RFTN2: variants seen among roughly 807,000 people sequenced by gnomAD.
RFTN2 encodes raftlin family member 2, also known as raftlin-2.
RFTN2 carries 34 observed loss-of-function variants against 52.7 expected under a neutral mutation model. The observed-to-expected ratio is 0.64, with a 90% confidence interval of 0.49 to 0.86. The LOEUF is 0.86. RFTN2 is among the 40% of genes least tolerant of loss of function. The probability of loss-of-function intolerance (pLI) is 0.00; values close to 1 mark genes in which losing one functional copy is unlikely to be tolerated. For synonymous variants in RFTN2, 203 were observed against 217.7 expected (o/e 0.93, Z 0.59); for missense variants, 536 against 600.1 (o/e 0.89, Z 1.12).
At chr2:197,585,041 G>A (rs779063141) in intron 8 of RFTN2, among the ~76,000 whole-genome samples, 3 of 152,130 alleles carry the variant, frequency 2.0e-5, no homozygotes, top group Non-Finnish European at 2.9e-5. Flanking sequence ...TCCCTACTGG[G>A]TTCACCATTC....
intron 8 of RFTN2, among the ~76,000 whole-genome samples, chr2:197,594,465 C>A (rs1247244079): frequency 1.3e-5 from 2 of 152,050 alleles, no homozygotes; most frequent in Non-Finnish European, 2.9e-5. Context: ...GTAGCTGGGA[C>A]TACAGGCATG....
At chr2:197,661,448 A>G (rs1163031740) in intron 1 of RFTN2, among the ~76,000 whole-genome samples, 1 of 151,818 alleles carries the variant, frequency 6.6e-6, no homozygotes, top group East Asian at 1.9e-4. Context: ...AGGTCTCACA[A>G]TGGTGCCCAG....
chr2:197,588,221 T>G (rs189340875), intron 8 of RFTN2, among the ~76,000 whole-genome samples: 2 of 152,362 alleles, frequency 1.3e-5, no homozygotes, highest in East Asian at 3.9e-4. Context: ...TTTCTCTCTC[T>G]ACATATATAT....
chr2:197,578,438 G>A (rs1053199237), intron 8 of RFTN2, among the ~76,000 whole-genome samples: 1 of 152,100 alleles, frequency 6.6e-6, no homozygotes, highest in African/African-American at 2.4e-5. Flanking sequence ...AAGCCTGCAT[G>A]TATACATCCA....
At chr2:197,607,115 T>A (rs2087974339) in intron 7 of RFTN2, among the ~76,000 whole-genome samples, 1 of 152,018 alleles carries the variant, frequency 6.6e-6, no homozygotes, top group South Asian at 2.1e-4. Context: ...ATTAAGAAAA[T>A]GTGGCACATA....
intron 7 of RFTN2, among the ~76,000 whole-genome samples, chr2:197,604,103 G>A (rs562261913): frequency 6.6e-6 from 1 of 152,092 alleles, no homozygotes; most frequent in East Asian, 1.9e-4. Flanking sequence ...ACATACTCTC[G>A]ATCAAAATGG....
At chr2:197,638,031 C>T (rs999220318) in intron 3 of RFTN2, among the ~76,000 whole-genome samples, 10 of 150,490 alleles carry the variant, frequency 6.6e-5, no homozygotes, top group East Asian at 5.8e-4. Flanking sequence ...TGTTCAGTTT[C>T]CATGTAGTTG....
intron 8 of RFTN2, among the ~76,000 whole-genome samples, chr2:197,589,701 G>A (rs955040332): frequency 2.6e-5 from 4 of 151,946 alleles, no homozygotes; most frequent in African/African-American, 9.7e-5. Flanking sequence ...TTTTAACTGG[G>A]TTCTTTTCTT....
chr2:197,587,367 C>T (rs111736188), intron 8 of RFTN2, among the ~76,000 whole-genome samples: 1,774 of 152,174 alleles, frequency 0.012, 14 homozygotes, highest in Non-Finnish European at 0.017. Flanking sequence ...AATGTCAGGC[C>T]TCTGAGCCCA....
chr2:197,612,994 AAAG>A (rs1185922844), intron 7 of RFTN2, among the ~76,000 whole-genome samples: 2 of 152,234 alleles, frequency 1.3e-5, no homozygotes, highest in Non-Finnish European at 2.9e-5. Flanking sequence ...TGGGCCGCAA[AAAG>A]AAGATGATGA....
chr2:197,591,283 A>G (rs2087708707), intron 8 of RFTN2, among the ~76,000 whole-genome samples: 2 of 152,144 alleles, frequency 1.3e-5, no homozygotes, highest in South Asian at 2.1e-4. Context: ...TTAGCTAGAC[A>G]CAAAGATTCT....
chr2:197,635,525 T>C (rs1245077863), intron 3 of RFTN2, among the ~76,000 whole-genome samples: 2 of 151,826 alleles, frequency 1.3e-5, no homozygotes, highest in South Asian at 4.2e-4. Flanking sequence ...TTTGGCTGCA[T>C]AAATGTCTTC....
intron 1 of RFTN2, among the ~76,000 whole-genome samples, chr2:197,667,937 A>C (rs1384043197): frequency 6.6e-6 from 1 of 152,064 alleles, no homozygotes; most frequent in East Asian, 1.9e-4. Context: ...TAGTTTTGCC[A>C]GTAGTGGTAG....
At position 197,587,014 on chromosome 2, in the gene RFTN2, C is replaced by T. The variant is rs1028503796; in HGVS notation, c.1233+8977G>A. Among the ~76,000 whole-genome samples, 3 of 152,226 alleles carry T rather than the reference C, an allele frequency of 2.0e-5. No individual in the cohort carries two copies. The South Asian group carries it at 6.2e-4, about 32-fold the overall frequency. On this transcript the variant is annotated intron_variant, in intron 8 of 8. Coordinates refer to ENST00000295049, the MANE Select transcript of RFTN2 (RefSeq NM_144629.3). ...CACCCTCTAATTGGATGTCCTGGGT[C>T]CTCCCAATTCTTAATTCTTTAATAC...
At chr2:197,627,423 G>C (rs547714435) in intron 5 of RFTN2, among the ~76,000 whole-genome samples, 2 of 152,296 alleles carry the variant, frequency 1.3e-5, no homozygotes, top group Middle Eastern at 3.4e-3. Flanking sequence ...GATGCCATAC[G>C]GCTAGCGCCT....
Position 197,596,088 on chromosome 2 carries a change from G to A in RFTN2, c.1155-19C>T. ...CCCTTCACTGCAAATTAAAACAATA[G>A]TATTAGTATTTGTGAGTTAGTAATT... On this transcript the variant is annotated intron_variant, in intron 7 of 8. Coordinates refer to ENST00000295049, the MANE Select transcript of RFTN2 (RefSeq NM_144629.3). 6.7e-7 allele frequency: 1 copy of A among 1,497,724 alleles called. No homozygotes were observed. Among genetic ancestry groups the A allele is most frequent in the East Asian group, 2.3e-5 (1 of 44,092 alleles). The allele number at this position is 1,497,724 out of a possible 1,614,324, so 92.8% of individuals were successfully genotyped here. A position where few individuals can be genotyped will look rare whatever the true frequency, so the allele number is the denominator to read the frequency against.
intron 6 of RFTN2, among the ~76,000 whole-genome samples, chr2:197,616,274 A>ATTTATTTTATTTTTTTTT (rs879732758): frequency 8.6e-6 from 1 of 116,588 alleles, no homozygotes; most frequent in Non-Finnish European, 1.8e-5. Context: ...TCTGCATTTT[A>ATTTATTTTATTTTTTTTT]TTTTATTTTA....
intron 7 of RFTN2, among the ~76,000 whole-genome samples, chr2:197,597,140 C>T (rs2087804579): frequency 6.6e-6 from 1 of 152,166 alleles, no homozygotes; most frequent in African/African-American, 2.4e-5. Context: ...TTGAAAATCC[C>T]AGCCTTACTG....
intron 8 of RFTN2, among the ~76,000 whole-genome samples, chr2:197,575,229 G>A (rs908303856): frequency 4.6e-5 from 7 of 152,148 alleles, no homozygotes; most frequent in East Asian, 1.9e-4. Context: ...TTCACCTTCC[G>A]CCATGGTTGT....
Sources: allele counts gnomAD v4.1 joint callset (sites outside exome capture counted in the v4.1 genomes callset), GRCh38; gene constraint gnomAD v4.1.1; transcripts MANE v1.5; gene names NCBI Gene and HGNC (gene_info 2026-07-23, HGNC 2026-07-21).